Variants in HYCC2 observed in about 807,000 individuals in gnomAD.
HYCC2 encodes the protein hyccin PI4KA lipid kinase complex subunit 2, also known as hyccin 2.
At chr2:201,067,557 C>T in the HYCC2 span, among the ~76,000 whole-genome samples, 2 of 152,118 alleles carry the variant, frequency 1.3e-5, no homozygotes. Context: ...TACTTTTTCT[C>T]AGATTTGTCT....
the HYCC2 span, among the ~76,000 whole-genome samples, chr2:201,068,530 C>G: frequency 6.6e-6 from 1 of 152,164 alleles, no homozygotes; most frequent in Non-Finnish European, 1.5e-5. Flanking sequence ...CATCTACCCC[C>G]TTCACACTCC....
At chr2:200,974,040 C>T in the HYCC2 span, 1 of 151,978 alleles carries the variant, frequency 6.6e-6, no homozygotes, top group Non-Finnish European at 1.5e-5. Context: ...CTTAAATTCA[C>T]GGTTTTTTCT....
chr2:200,975,742 C>T, the HYCC2 span: 2 of 152,052 alleles, frequency 1.3e-5, no homozygotes, highest in African/African-American at 4.8e-5. Context: ...TCTCATAGGA[C>T]TATGGCTAAG....
chr2:201,056,348 C>T, the HYCC2 span, among the ~76,000 whole-genome samples: 1 of 152,058 alleles, frequency 6.6e-6, no homozygotes, highest in African/African-American at 2.4e-5. Flanking sequence ...GGGCCTAGGA[C>T]ATGAGAAGGC....
chr2:200,974,856 GAA>G, the HYCC2 span: 1 of 151,092 alleles, frequency 6.6e-6, no homozygotes, highest in South Asian at 2.1e-4. Flanking sequence ...TTTCTGCAAA[GAA>G]AAAAAACACT....
the HYCC2 span, among the ~76,000 whole-genome samples, chr2:201,044,140 G>A: frequency 6.6e-6 from 1 of 152,210 alleles, no homozygotes; most frequent in Non-Finnish European, 1.5e-5. Context: ...ATTCCAGCAT[G>A]CAGCTTAATT....
At chr2:201,045,520 G>T in the HYCC2 span, 1 of 398,198 alleles carries the variant, frequency 2.5e-6, no homozygotes, top group Admixed American at 4.4e-5. Context: ...GTTTTCTAAA[G>T]GAGGAGGTGG....
chr2:201,039,246 C>T, the HYCC2 span, among the ~76,000 whole-genome samples: 2 of 152,132 alleles, frequency 1.3e-5, no homozygotes, highest in African/African-American at 4.8e-5. Context: ...TCTGTCTTTT[C>T]TACTGGAATC....
chr2:200,992,308 C>T, the HYCC2 span: 1 of 1,611,370 alleles, frequency 6.2e-7, no homozygotes, highest in Non-Finnish European at 8.5e-7. Context: ...AAAGCTCTAG[C>T]TGGGCTCTAT....
At chr2:201,017,961 A>G in the HYCC2 span, among the ~76,000 whole-genome samples, 151 of 152,324 alleles carry the variant, frequency 9.9e-4, no homozygotes, top group African/African-American at 3.3e-3. Context: ...TTTGCAATAC[A>G]TATTTGTGCA....
the HYCC2 span, among the ~76,000 whole-genome samples, chr2:201,034,245 T>C: frequency 6.6e-6 from 1 of 152,192 alleles, no homozygotes; most frequent in African/African-American, 2.4e-5. Context: ...TGAAATAATA[T>C]TTTATGAAAA....
the HYCC2 span, among the ~76,000 whole-genome samples, chr2:201,055,425 G>A: frequency 3.8e-4 from 58 of 150,986 alleles, no homozygotes; most frequent in South Asian, 1.5e-3. Flanking sequence ...TAGGCTAGGC[G>A]TAGGGGCTCA....
the HYCC2 span, among the ~76,000 whole-genome samples, chr2:201,010,122 AAAGAAG>A: frequency 6.6e-6 from 1 of 151,678 alleles, no homozygotes; most frequent in African/African-American, 2.4e-5. Flanking sequence ...AAAAAAAAGA[AAAGAAG>A]AAGAAGAACC....
the HYCC2 span, chr2:200,997,381 G>A: frequency 8.4e-7 from 1 of 1,189,060 alleles, no homozygotes; most frequent in Non-Finnish European, 1.2e-6. Flanking sequence ...GCTTGGCTTA[G>A]AGAATGTGCT....
the HYCC2 span, among the ~76,000 whole-genome samples, chr2:201,069,868 T>G: frequency 6.6e-6 from 1 of 152,168 alleles, no homozygotes; most frequent in Non-Finnish European, 1.5e-5. Flanking sequence ...AAAAATGAAA[T>G]TTTGATTTAG....
the HYCC2 span, chr2:201,009,089 C>T: frequency 6.3e-7 from 1 of 1,585,290 alleles, no homozygotes; most frequent in Non-Finnish European, 8.7e-7. Flanking sequence ...TTGTTGAAGG[C>T]TACAAAAATA....
the HYCC2 span, among the ~76,000 whole-genome samples, chr2:201,047,627 T>C: frequency 2.7e-5 from 4 of 149,580 alleles, no homozygotes; most frequent in South Asian, 8.4e-4. Context: ...TAAAAGAAAA[T>C]TCTACCCAGG....
the HYCC2 span, among the ~76,000 whole-genome samples, chr2:200,984,601 T>C: frequency 3.3e-5 from 5 of 152,246 alleles, no homozygotes; most frequent in African/African-American, 9.6e-5. Flanking sequence ...TTTAAAAAGC[T>C]TGGTGGGGTA....
At chr2:201,007,669 C>T in the HYCC2 span, among the ~76,000 whole-genome samples, 2 of 152,138 alleles carry the variant, frequency 1.3e-5, no homozygotes, top group Admixed American at 6.5e-5. Flanking sequence ...AACTTCAGGC[C>T]GGACTGACCA....
Sources: allele counts gnomAD v4.1 joint callset (sites outside exome capture counted in the v4.1 genomes callset), GRCh38; gene constraint gnomAD v4.1.1; transcripts MANE v1.5; gene names NCBI Gene and HGNC (gene_info 2026-07-23, HGNC 2026-07-21).